Variants in IQCH observed in about 807,000 individuals in gnomAD.
The protein encoded by IQCH is IQ motif containing H, also known as IQ domain-containing protein H.
IQCH carries 98 observed loss-of-function variants against 117.0 expected under a neutral mutation model. That is an observed-to-expected ratio of 0.84 (90% CI 0.71 to 0.99). The LOEUF (loss-of-function observed/expected upper bound fraction) is 0.99. Ranked by LOEUF, IQCH falls within the 50% of genes least tolerant of loss-of-function variation. The pLI is 0.00. For synonymous variants in IQCH, 412 were observed against 448.2 expected, an observed-to-expected ratio of 0.92 and a Z score of 1.02; for missense variants, 1,102 against 1,243.8, an observed-to-expected ratio of 0.89 and a Z score of 1.72.
chr15:67,277,697 C>G (rs1157374789), intron 3 of IQCH, among the ~76,000 whole-genome samples: 1 of 152,070 alleles, frequency 6.6e-6, no homozygotes, highest in Non-Finnish European at 1.5e-5. Flanking sequence ...CCACGCCTGG[C>G]TAATTTTTTG....
chr15:67,436,142 C>T lies in IQCH; in HGVS notation c.2505+14565C>T, dbSNP rs2082131360. On this transcript the variant is annotated intron_variant, in intron 16 of 20. Coordinates refer to ENST00000335894, the MANE Select transcript of IQCH (RefSeq NM_001031715.3). This position sits in a 1 kb window ranked among gnomAD's most constrained non-coding sequence, Gnocchi z 5.1. ...TGTCCACAAGACTCTCCAGAACACA[C>T]AAGCTTGATGGCTCCATATTCAATA... Among the ~76,000 whole-genome samples the T allele has an allele frequency of 2.0e-5, 3 of 152,266 alleles. No individual in the cohort carries two copies. In the South Asian group the frequency reaches 6.2e-4, roughly 32 times the overall value.
chr15:67,254,829 G>T lies in IQCH; in HGVS notation c.-68G>T. The T allele has an allele frequency of 2.0e-6, 3 of 1,528,218 alleles. No individual in the cohort carries two copies. The highest frequency in any genetic ancestry group is 2.7e-6 in the Non-Finnish European group (3 of 1,115,140). The allele number at this position is 1,528,218 out of a possible 1,614,324, so 94.7% of individuals were successfully genotyped here. A position where few individuals can be genotyped will look rare whatever the true frequency, so the allele number is the denominator to read the frequency against. ...CGCGGTGTTGCCATGGGGACGAGCG[G>T]CTCCGGCTGAAGGTTTCCGTGCTTG... On this transcript the variant is annotated 5_prime_UTR_variant, in exon 1 of 21. Transcript: ENST00000335894.
chr15:67,457,300 G>T lies in IQCH; in HGVS notation c.2506-7827G>T, dbSNP rs527728055. On this transcript the variant is annotated intron_variant, in intron 16 of 20. Transcript: ENST00000335894. This position sits in a 1 kb window ranked among gnomAD's most constrained non-coding sequence, Gnocchi z 5.7. Reference sequence around the variant, plus strand: ...CAACTCCTTTAAAATTAAGCATGAGGTGTGTTGTTTACCACAATGGAGAGC... The same window carrying T: ...CAACTCCTTTAAAATTAAGCATGAGTTGTGTTGTTTACCACAATGGAGAGC... Among the ~76,000 whole-genome samples the T allele has an allele frequency of 6.6e-6, 1 of 152,316 alleles. No homozygotes were observed. The highest frequency in any genetic ancestry group is 1.9e-4 in the East Asian group (1 of 5,186).
rs1220187089 is a variant in IQCH, at chr15:67,359,221, C to T, written c.715-626C>T. Among the ~76,000 whole-genome samples the T allele has an allele frequency of 6.6e-6, 1 of 152,112 alleles. No individual in the cohort carries two copies. Among genetic ancestry groups the T allele is most frequent in the Non-Finnish European group, 1.5e-5 (1 of 68,030 alleles). On this transcript the variant is annotated intron_variant, in intron 7 of 20. Coordinates refer to ENST00000335894, the MANE Select transcript of IQCH (RefSeq NM_001031715.3). The surrounding 1 kb of genome is among the most constrained non-coding windows in gnomAD (Gnocchi z 4.5). ...TACAAATATTATGACTAGGTTTTAG[C>T]CAGTAAATGGTTTACCACGAAAAAA...
chr15:67,318,439 T>C (rs1967953440), intron 4 of IQCH, among the ~76,000 whole-genome samples: 1 of 152,304 alleles, frequency 6.6e-6, no homozygotes, highest in South Asian at 2.1e-4. Flanking sequence ...AGAAGGAAAA[T>C]GTTTATAAGT....
intron 18 of IQCH, among the ~76,000 whole-genome samples, chr15:67,478,879 G>A (rs1365615648): frequency 6.6e-6 from 1 of 151,744 alleles, no homozygotes; most frequent in Admixed American, 6.6e-5. Context: ...AGCCGAGATT[G>A]CGCCACTGCA....
intron 2 of IQCH, among the ~76,000 whole-genome samples, chr15:67,261,627 A>G (rs1428071987): frequency 6.6e-6 from 1 of 152,156 alleles, no homozygotes; most frequent in Non-Finnish European, 1.5e-5. Context: ...TGCAGTGACA[A>G]CTCCTAAAAT....
chr15:67,432,939 G>T lies in IQCH; in HGVS notation c.2505+11362G>T, dbSNP rs1006995225. Among the ~76,000 whole-genome samples the T allele has an allele frequency of 1.3e-5, 2 of 152,088 alleles. No individual in the cohort carries two copies. Among genetic ancestry groups the T allele is most frequent in the Non-Finnish European group, 2.9e-5 (2 of 68,012 alleles). ...TATCTCTGTTTTCAAGATATACAAG[G>T]TATTCACCAAGGAAGCTCAATGAGA... On this transcript the variant is annotated intron_variant, in intron 16 of 20. Transcript: ENST00000335894. This position sits in a 1 kb window ranked among gnomAD's most constrained non-coding sequence, Gnocchi z 5.0.
intron 16 of IQCH, among the ~76,000 whole-genome samples, chr15:67,464,297 G>A (rs1294188580): frequency 6.6e-6 from 1 of 152,208 alleles, no homozygotes; most frequent in Non-Finnish European, 1.5e-5. Flanking sequence ...TCTGCCACAG[G>A]AGAGGGAAGA....
intron 4 of IQCH, among the ~76,000 whole-genome samples, chr15:67,334,254 A>G (rs1307528180): frequency 6.6e-6 from 1 of 152,176 alleles, no homozygotes; most frequent in Non-Finnish European, 1.5e-5. Context: ...GACAAAAAGA[A>G]GAAGCCACAG....
chr15:67,394,848 C>T (rs1971406681), intron 12 of IQCH, among the ~76,000 whole-genome samples: 1 of 152,122 alleles, frequency 6.6e-6, no homozygotes, highest in South Asian at 2.1e-4. Flanking sequence ...CTTTTTCCTA[C>T]TCAAGCATTT....
intron 6 of IQCH, among the ~76,000 whole-genome samples, chr15:67,350,583 C>A (rs1240393920): frequency 6.6e-6 from 1 of 152,036 alleles, no homozygotes; most frequent in Non-Finnish European, 1.5e-5. Context: ...CCCGCAACCA[C>A]ACCCAGCCAA....
In IQCH at chr15:67,474,127, A is replaced by T. The variant is rs950800113; in HGVS notation, c.2677-1569A>T. On this transcript the variant is annotated intron_variant, in intron 17 of 20. Transcript: ENST00000335894. The surrounding 1 kb of genome is among the most constrained non-coding windows in gnomAD (Gnocchi z 4.1). ...GTGGAGAGGGAGAGAGGGATGCAGG[A>T]GAGGAAAGGAGGTCTATTCTCTGCA... 6.7e-6 allele frequency among the ~76,000 whole-genome samples: 1 copy of T among 149,096 alleles called. No homozygotes were observed. Among genetic ancestry groups the T allele is most frequent in the African/African-American group, 2.5e-5 (1 of 40,114 alleles).
At chr15:67,362,333 A>T (rs1970171689) in intron 8 of IQCH, among the ~76,000 whole-genome samples, 1 of 152,154 alleles carries the variant, frequency 6.6e-6, no homozygotes, top group Non-Finnish European at 1.5e-5. Flanking sequence ...TATAAAAGAA[A>T]ATCCTGTTTC....
chr15:67,357,233 G>A (rs1051764314), intron 6 of IQCH, 112 bp from the exon 7 acceptor site: 23 of 733,030 alleles, frequency 3.1e-5, no homozygotes, highest in Admixed American at 1.7e-4. Context: ...GGTAGTGAGC[G>A]CACAGTGGGT....
intron 10 of IQCH, 179 bp downstream of exon 10, chr15:67,373,612 G>T (rs1970637252): frequency 6.0e-6 from 4 of 671,932 alleles, no homozygotes; most frequent in South Asian, 4.9e-5. Context: ...TTTAATTTGG[G>T]GATTAAGCAA....
chr15:67,378,771 A>C (rs751011183), intron 10 of IQCH, among the ~76,000 whole-genome samples: 1 of 152,068 alleles, frequency 6.6e-6, no homozygotes, highest in Non-Finnish European at 1.5e-5. Flanking sequence ...TTTTCATGAG[A>C]TCTATTAATA....
chr15:67,470,323 G>A (rs2083039223), intron 17 of IQCH, among the ~76,000 whole-genome samples: 1 of 152,124 alleles, frequency 6.6e-6, no homozygotes, highest in East Asian at 1.9e-4. Flanking sequence ...GACTACAGGC[G>A]CCCGCGACCA....
chr15:67,269,122 T>C (rs1326192086), intron 3 of IQCH, among the ~76,000 whole-genome samples: 1 of 152,002 alleles, frequency 6.6e-6, no homozygotes, highest in East Asian at 1.9e-4. Context: ...GGAAAGTGTT[T>C]AATGCCACTG....
Sources: allele counts gnomAD v4.1 joint callset (sites outside exome capture counted in the v4.1 genomes callset), GRCh38; gene constraint gnomAD v4.1.1; non-coding constraint Gnocchi (gnomAD v3.1); transcripts MANE v1.5; gene names NCBI Gene and HGNC (gene_info 2026-07-23, HGNC 2026-07-21).